DGAT2: variants seen among roughly 807,000 people sequenced by gnomAD.
DGAT2 encodes diacylglycerol O-acyltransferase 2, also known as acyl-CoA retinol O-fatty-acyltransferase.
A neutral mutation model predicts 48.4 loss-of-function variants in DGAT2; 33 were observed. That is an observed-to-expected ratio of 0.68 (90% CI 0.52 to 0.91). The LOEUF (loss-of-function observed/expected upper bound fraction) is 0.91, where lower values mean the gene tolerates loss of function less well. DGAT2 is among the 40% of genes least tolerant of loss of function. The pLI is 0.00. For missense variants in DGAT2, 446 were observed against 493.7 expected, an observed-to-expected ratio of 0.90 and a Z score of 0.92; for synonymous variants, 191 against 194.1, an observed-to-expected ratio of 0.98 and a Z score of 0.13.
At chr11:75,785,095 G>A (rs1440774088) in intron 2 of DGAT2, among the ~76,000 whole-genome samples, 1 of 152,104 alleles carries the variant, frequency 6.6e-6, no homozygotes, top group South Asian at 2.1e-4. Flanking sequence ...ATGCCACCCT[G>A]CCCACCAACA....
chr11:75,775,233 G>C lies in DGAT2; in HGVS notation c.121+6121G>C, dbSNP rs574045252. On this transcript the variant is annotated intron_variant, in intron 1 of 7. Coordinates refer to ENST00000228027, the MANE Select transcript of DGAT2 (RefSeq NM_032564.5). ...TAGTGCTAATGGGGAAACCTAGAGA[G>C]GGGAGGAAGAGGCTTAGCGCCCCTG... 2.6e-5 allele frequency among the ~76,000 whole-genome samples: 4 copies of C among 152,354 alleles called. No individual in the cohort carries two copies. In the South Asian group the frequency reaches 8.3e-4, roughly 32 times the overall value.
In DGAT2 at chr11:75,790,689, C is replaced by T; in HGVS notation, c.387C>T (p.Asn129=). ...KGGRRSQWVR[N]WAVWRYFRDY... Reference sequence around the variant, plus strand: ...GCAGGAGGTCACAGTGGGTCCGAAACTGGGCTGTGTGGCGCTACTTTCGAG... The same window carrying T: ...GCAGGAGGTCACAGTGGGTCCGAAATTGGGCTGTGTGGCGCTACTTTCGAG... The change falls in exon 4 of 8, where the codon AAC becomes AAT. Residue 129 remains asparagine (N), a synonymous_variant. Transcript: ENST00000228027. 6.2e-7 allele frequency: 1 copy of T among 1,614,134 alleles called. No homozygotes were observed. Among genetic ancestry groups the T allele is most frequent in the Non-Finnish European group, 8.5e-7 (1 of 1,180,036 alleles).
At chr11:75,777,100 T>C (rs1252190552) in intron 1 of DGAT2, among the ~76,000 whole-genome samples, 1 of 152,144 alleles carries the variant, frequency 6.6e-6, no homozygotes, top group South Asian at 2.1e-4. Context: ...TGGGCCCAGG[T>C]GTGGCATCCT....
intron 2 of DGAT2, among the ~76,000 whole-genome samples, chr11:75,789,613 A>G (rs1270299039): frequency 3.3e-5 from 5 of 152,292 alleles, no homozygotes; most frequent in African/African-American, 1.2e-4. Context: ...TCTAAAGCCT[A>G]ATACAGAGAA....
chr11:75,785,053 A>G (rs1257084834), intron 2 of DGAT2, among the ~76,000 whole-genome samples: 1 of 152,134 alleles, frequency 6.6e-6, no homozygotes, highest in Non-Finnish European at 1.5e-5. Context: ...ATCCCTGTCT[A>G]CAGGACCCCC....
intron 6 of DGAT2, 145 bp downstream of exon 6, chr11:75,797,477 C>T: frequency 9.5e-7 from 1 of 1,048,612 alleles, no homozygotes; most frequent in Non-Finnish European, 1.3e-6. Context: ...GATGTTGGAG[C>T]CCAGACTGCA....
At chr11:75,769,434 G>A (rs1013095926) in intron 1 of DGAT2, among the ~76,000 whole-genome samples, 2 of 152,064 alleles carry the variant, frequency 1.3e-5, no homozygotes, top group Non-Finnish European at 2.9e-5. Flanking sequence ...GTGATAGACT[G>A]GATGGGCAGG....
At position 75,768,890 on chromosome 11, in the gene DGAT2, C is replaced by T; in HGVS notation, c.-102C>T. On this transcript the variant is annotated 5_prime_UTR_variant, in exon 1 of 8. Coordinates refer to ENST00000228027, the MANE Select transcript of DGAT2 (RefSeq NM_032564.5). ...CCAGCCTCGACGCCGTCCCGGGACC[C>T]CTGTGCTCTGCGCGAAGCCCTGGCC... The T allele has an allele frequency of 6.0e-6, 8 of 1,328,298 alleles. No individual in the cohort carries two copies. Among genetic ancestry groups the T allele is most frequent in the Non-Finnish European group, 7.7e-6 (8 of 1,038,024 alleles). 82.3% of individuals were successfully genotyped at this position (1,328,298 alleles called of 1,614,324 possible).
chr11:75,798,304 G>A lies in DGAT2; in HGVS notation c.887G>A (p.Gly296Asp). The A allele has an allele frequency of 6.2e-7, 1 of 1,614,202 alleles. No individual in the cohort carries two copies. Among genetic ancestry groups the A allele is most frequent in the Admixed American group, 1.7e-5 (1 of 60,032 alleles). Residue 296 changes from glycine to aspartate, a missense_variant, in exon 7 of 8, where the codon GGC becomes GAC. Physicochemically the swap from Gly to Asp is moderately conservative, Grantham distance 94. Coordinates refer to ENST00000228027, the MANE Select transcript of DGAT2 (RefSeq NM_032564.5). ...KQVIFEEGSW[G>D]RWVQKKFQKY... Reference sequence around the variant, plus strand: ...GTGATCTTCGAGGAGGGCTCCTGGGGCCGATGGGTCCAGAAGAAGTTCCAG... The same window carrying A: ...GTGATCTTCGAGGAGGGCTCCTGGGACCGATGGGTCCAGAAGAAGTTCCAG...
chr11:75,781,210 GTGTTTA>G (rs1388663744), intron 1 of DGAT2, among the ~76,000 whole-genome samples: 3 of 152,246 alleles, frequency 2.0e-5, no homozygotes, highest in Non-Finnish European at 4.4e-5. Flanking sequence ...ATAGACCTTA[GTGTTTA>G]TCATCCCAGA....
At position 75,768,918 on chromosome 11, in the gene DGAT2, G is replaced by T. The variant is rs1445923374; in HGVS notation, c.-74G>T. 28 of 1,358,844 alleles carry T rather than the reference G, an allele frequency of 2.1e-5. No individual in the cohort carries two copies. The highest frequency in any genetic ancestry group is 2.6e-5 in the Non-Finnish European group (28 of 1,059,262). 84.2% of individuals were successfully genotyped at this position (1,358,844 alleles called of 1,614,324 possible). A position where few individuals can be genotyped will look rare whatever the true frequency, so the allele number is the denominator to read the frequency against. On this transcript the variant is annotated 5_prime_UTR_variant, in exon 1 of 8. Transcript: ENST00000228027. The stretch of plus-strand genomic sequence containing the variant: ...GTGCTCTGCGCGAAGCCCTGGCCCC[G>T]GGGGCCGGGGCATGGGCCAGGGGCG...
At chr11:75,787,063 T>C (rs1035568757) in intron 2 of DGAT2, among the ~76,000 whole-genome samples, 1 of 150,732 alleles carries the variant, frequency 6.6e-6, no homozygotes, top group African/African-American at 2.4e-5. Context: ...TGAGAAGAAA[T>C]GATTTTTTTT....
chr11:75,769,022 G>T lies in DGAT2; in HGVS notation c.31G>T (p.Val11Phe). MKTLIAAYSGVLRGERQAEAD... is the reference protein window; with the variant it reads MKTLIAAYSGFLRGERQAEAD... ...GACCCTCATAGCCGCCTACTCCGGG[G>T]TCCTGCGCGGCGAGCGTCAGGCCGA... Residue 11 changes from valine to phenylalanine, a missense_variant, in exon 1 of 8, where the codon GTC becomes TTC. Transcript: ENST00000228027. The T allele has an allele frequency of 6.3e-7, 1 of 1,577,430 alleles. No homozygotes were observed. Among genetic ancestry groups the T allele is most frequent in the Non-Finnish European group, 8.6e-7 (1 of 1,164,564 alleles).
Position 75,784,695 on chromosome 11 carries a change from C to T in DGAT2, c.199C>T (p.Gln67Ter), listed in dbSNP as rs777749208. 14 of 1,614,002 alleles carry T rather than the reference C, an allele frequency of 8.7e-6. No individual in the cohort carries two copies. In the South Asian group the frequency reaches 1.3e-4, roughly 15 times the overall value. The change falls in exon 2 of 8, where the codon CAG (glutamine) becomes TAG (stop). Residue 67 changes from glutamine (Q) to a stop codon, truncating the protein, a stop_gained. Transcript: ENST00000228027. LOFTEE classifies it high-confidence loss of function. ...TWLNRSKVEKQLQVISVLQWV... is the reference protein window; with the variant it reads ...TWLNRSKVEK ...GCTCAATAGGTCCAAGGTGGAAAAGCAGCTACAGGTCATCTCAGTGCTCCA... is the reference window on the plus strand; with the variant it reads ...GCTCAATAGGTCCAAGGTGGAAAAGTAGCTACAGGTCATCTCAGTGCTCCA...
intron 1 of DGAT2, among the ~76,000 whole-genome samples, chr11:75,779,035 C>T (rs1944834026): frequency 6.6e-6 from 1 of 152,118 alleles, no homozygotes; most frequent in Admixed American, 6.5e-5. Flanking sequence ...TGCCCTCAGG[C>T]ATGTGAGAGG....
intron 1 of DGAT2, among the ~76,000 whole-genome samples, chr11:75,769,666 G>T (rs1196173927): frequency 1.3e-5 from 2 of 152,104 alleles, no homozygotes; most frequent in African/African-American, 4.8e-5. Flanking sequence ...ATCGCGCAGA[G>T]TTGAAATCAA....
chr11:75,795,894 T>TG (rs1590875718), intron 4 of DGAT2: 1 of 168,090 alleles, frequency 5.9e-6, no homozygotes, highest in East Asian at 1.7e-4. Context: ...AGGCCCCGGT[T>TG]GCCAAACTCA....
At chr11:75,780,645 C>T (rs896345177) in intron 1 of DGAT2, among the ~76,000 whole-genome samples, 2 of 152,214 alleles carry the variant, frequency 1.3e-5, no homozygotes, top group African/African-American at 4.8e-5. Context: ...CTTCCCCTTC[C>T]AGCTCCCCAC....
intron 1 of DGAT2, 79 bp downstream of exon 1, chr11:75,769,191 G>T: frequency 6.9e-7 from 1 of 1,456,784 alleles, no homozygotes. Context: ...GGTGGGTACT[G>T]ATGAGTCCAC....
Sources: gnomAD v4.1 joint callset for allele counts (sites outside exome capture counted in the v4.1 genomes callset) on GRCh38, gnomAD v4.1.1 for gene constraint, MANE v1.5 for transcripts, NCBI Gene and HGNC (gene_info 2026-07-23, HGNC 2026-07-21) for gene names.